PKHD1L1: variants seen among roughly 807,000 people sequenced by gnomAD.
PKHD1L1 encodes PKHD1 like 1, also known as fibrocystin-L.
In PKHD1L1, 434 loss-of-function variants were observed where a neutral mutation model predicts 462.9. The observed-to-expected ratio is 0.94, with a 90% CI of 0.87 to 1.02. PKHD1L1 has a LOEUF of 1.02. PKHD1L1 is among the 50% of genes least tolerant of loss of function. The probability of loss-of-function intolerance (pLI) is 0.00; values close to 1 mark genes in which losing one functional copy is unlikely to be tolerated. For synonymous variants in PKHD1L1, 1,781 were observed against 1,750.0 expected, an observed-to-expected ratio of 1.02 and a Z score of -0.44; for missense variants, 5,202 against 5,096.1, an observed-to-expected ratio of 1.02 and a Z score of -0.63.
At chr8:109,449,270 A>G in intron 39 of PKHD1L1, 68 bp from the exon 40 acceptor site, 1 of 1,411,162 alleles carries the variant, frequency 7.1e-7, no homozygotes, top group Middle Eastern at 1.8e-4. Flanking sequence ...ATAAAGGTAA[A>G]AAATATGTAC....
rs147942629 is a variant in PKHD1L1, at chr8:109,412,284, A to G, written c.2105A>G (p.Gln702Arg). The G allele has an allele frequency of 1.2e-6, 2 of 1,613,630 alleles. No individual in the cohort carries two copies. The highest frequency in any genetic ancestry group is 1.7e-6 in the Non-Finnish European group (2 of 1,179,756). The change falls in exon 20 of 78, where the codon CAG becomes CGG. Residue 702 changes from glutamine (Q) to arginine (R), a missense_variant. This residue lies in a region of PKHD1L1 where 4,497 missense variants were observed against 4,336.8 expected (regional missense o/e 1.04). Coordinates refer to ENST00000378402, the MANE Select transcript of PKHD1L1 (RefSeq NM_177531.6). ...DFNLEHINRGQKTAETDAYCG... is the reference protein window; with the variant it reads ...DFNLEHINRGRKTAETDAYCG... ...CGGTAGGAACATATTAACAGAGGGC[A>G]GAAGACAGCTGAAACCGATGCTTAC... is the stretch of plus-strand genomic sequence containing the variant.
At position 109,530,349 on chromosome 8, in the gene PKHD1L1, A is replaced by G. The variant is rs2131059394; in HGVS notation, c.*259A>G. The stretch of plus-strand genomic sequence containing the variant: ...TTTGTCATTTGGAAGTAGATATGAC[A>G]CCTCTAAGTTATTGTACCAACAAAT... On this transcript the variant is annotated 3_prime_UTR_variant, in exon 78 of 78. Transcript: ENST00000378402. 4.4e-6 allele frequency: 1 copy of G among 227,530 alleles called. No individual in the cohort carries two copies. Among genetic ancestry groups the G allele is most frequent in the East Asian group, 9.9e-5 (1 of 10,126 alleles). 14.1% of individuals were successfully genotyped at this position (227,530 alleles called of 1,614,324 possible). A position where few individuals can be genotyped will look rare whatever the true frequency, so the allele number is the denominator to read the frequency against.
chr8:109,413,013 C>T (rs971335579), intron 20 of PKHD1L1, among the ~76,000 whole-genome samples: 4 of 152,090 alleles, frequency 2.6e-5, no homozygotes, highest in Non-Finnish European at 4.4e-5. Flanking sequence ...TCATCTCTCT[C>T]TCTAAATGTT....
At chr8:109,377,120 G>A (rs1348286668) in intron 2 of PKHD1L1, among the ~76,000 whole-genome samples, 2 of 152,188 alleles carry the variant, frequency 1.3e-5, no homozygotes, top group African/African-American at 2.4e-5. Context: ...GATATCTTCT[G>A]GCAACCCCAA....
intron 52 of PKHD1L1, 31 bp downstream of exon 52, chr8:109,476,698 A>T (rs1818005819): frequency 6.4e-7 from 1 of 1,552,934 alleles, no homozygotes; most frequent in African/African-American, 1.4e-5. Flanking sequence ...ATGATAGTTT[A>T]TCTAATGCTT....
chr8:109,488,301 G>A (rs1818659843), intron 59 of PKHD1L1, among the ~76,000 whole-genome samples: 1 of 151,808 alleles, frequency 6.6e-6, no homozygotes, highest in Non-Finnish European at 1.5e-5. Context: ...ATGTGCTCCT[G>A]GATCAAAACA....
chr8:109,415,860 AAG>A (rs1563752239), intron 21 of PKHD1L1, among the ~76,000 whole-genome samples: 2,912 of 95,164 alleles, frequency 0.031, 58 homozygotes, highest in South Asian at 0.045. Flanking sequence ...AAAAAAAAAA[AAG>A]GGGTGTGTGT....
chr8:109,481,045 A>T (rs1818248128), intron 55 of PKHD1L1, among the ~76,000 whole-genome samples: 1 of 151,984 alleles, frequency 6.6e-6, no homozygotes, highest in Non-Finnish European at 1.5e-5. Flanking sequence ...CAAGCATTTA[A>T]TGATAGCTAT....
In PKHD1L1 at chr8:109,534,258, C is replaced by G. The variant is rs769711633; in HGVS notation, c.*4168C>G. Reference sequence around the variant, plus strand: ...CAGGCGGATCACGAGGTCAGGAGATCGAGACTATCCTGGCTAACACAGTGA... The same window carrying G: ...CAGGCGGATCACGAGGTCAGGAGATGGAGACTATCCTGGCTAACACAGTGA... On this transcript the variant is annotated 3_prime_UTR_variant, in exon 78 of 78. Transcript: ENST00000378402. 6.6e-6 allele frequency among the ~76,000 whole-genome samples: 1 copy of G among 152,178 alleles called. No homozygotes were observed. Among genetic ancestry groups the G allele is most frequent in the Non-Finnish European group, 1.5e-5 (1 of 68,026 alleles).
intron 67 of PKHD1L1, among the ~76,000 whole-genome samples, chr8:109,502,747 G>T (rs1819489013): frequency 6.6e-6 from 1 of 152,236 alleles, no homozygotes; most frequent in Non-Finnish European, 1.5e-5. Context: ...GCTCTCAGGA[G>T]AAAGGGAGTG....
At chr8:109,466,993 G>A (rs1349630684) in intron 50 of PKHD1L1, among the ~76,000 whole-genome samples, 1 of 152,072 alleles carries the variant, frequency 6.6e-6, no homozygotes, top group East Asian at 1.9e-4. Context: ...GAAACCTCCA[G>A]ACAATATTAT....
At chr8:109,497,724 C>CA (rs1554592516) in intron 65 of PKHD1L1, among the ~76,000 whole-genome samples, 1 of 152,106 alleles carries the variant, frequency 6.6e-6, no homozygotes, top group Non-Finnish European at 1.5e-5. Context: ...CCGCACCCAA[C>CA]AAAAAAGCTG....
chr8:109,513,135 T>A (rs59133831), intron 71 of PKHD1L1, among the ~76,000 whole-genome samples: 35,580 of 150,774 alleles, frequency 0.24, 4,863 homozygotes, highest in African/African-American at 0.34. Context: ...AATCATGTCA[T>A]CTGCAAACAG....
At chr8:109,390,032 T>G (rs1812639960) in intron 8 of PKHD1L1, among the ~76,000 whole-genome samples, 1 of 152,188 alleles carries the variant, frequency 6.6e-6, no homozygotes, top group Non-Finnish European at 1.5e-5. Context: ...TCTTGGCTAA[T>G]GTTTCCTTCC....
At position 109,433,130 on chromosome 8, in the gene PKHD1L1, T is replaced by C. The variant is rs776499325; in HGVS notation, c.3254T>C (p.Leu1085Pro). The stretch of plus-strand genomic sequence containing the variant: ...GGGTCCTATGAAGAAGGCACAATTC[T>C]AACCATAGTGGGTTCTGGATTTTCT... ...SQGSYEEGTI[L>P]TIVGSGFSPS... Residue 1085 changes from leucine to proline, a missense_variant, in exon 28 of 78, where the codon CTA (leucine) becomes CCA (proline). Around this residue, in one of 3 missense-constraint regions of PKHD1L1, gnomAD observed 4,497 missense variants for 4,336.8 expected, o/e 1.04. Coordinates refer to ENST00000378402, the MANE Select transcript of PKHD1L1 (RefSeq NM_177531.6). The C allele has an allele frequency of 1.1e-5, 18 of 1,613,230 alleles. No individual in the cohort carries two copies. Among genetic ancestry groups the C allele is most frequent in the Admixed American group, 1.0e-4 (6 of 59,970 alleles).
intron 32 of PKHD1L1, among the ~76,000 whole-genome samples, chr8:109,439,843 G>T (rs1815673865): frequency 6.6e-6 from 1 of 152,132 alleles, no homozygotes; most frequent in Non-Finnish European, 1.5e-5. Flanking sequence ...TGTCAGAGTA[G>T]AAGGAGAGAT....
chr8:109,441,392 T>G lies in PKHD1L1; in HGVS notation c.4204+13T>G. 1 of 1,413,196 alleles carries G rather than the reference T, an allele frequency of 7.1e-7. No individual in the cohort carries two copies. The highest frequency in any genetic ancestry group is 9.8e-7 in the Non-Finnish European group (1 of 1,021,354). 87.5% of individuals were successfully genotyped at this position (1,413,196 alleles called of 1,614,324 possible). A position where few individuals can be genotyped will look rare whatever the true frequency, so the allele number is the denominator to read the frequency against. ...GGGAAAGATTCAGGTATCAGCCATT[T>G]ATATACTATGAAATAATGGAAGCAC... is the stretch of plus-strand genomic sequence containing the variant. On this transcript the variant is annotated intron_variant, in intron 34 of 77. Transcript: ENST00000378402.
intron 44 of PKHD1L1, among the ~76,000 whole-genome samples, 176 bp from the exon 45 acceptor site, chr8:109,454,547 G>GT (rs1338916360): frequency 6.6e-6 from 1 of 152,112 alleles, no homozygotes; most frequent in African/African-American, 2.4e-5. Context: ...CTGGCATAGT[G>GT]TATTTATTTG....
At chr8:109,511,385 C>T (rs1024952186) in intron 71 of PKHD1L1, among the ~76,000 whole-genome samples, 2 of 138,134 alleles carry the variant, frequency 1.4e-5, no homozygotes, top group South Asian at 2.5e-4. Flanking sequence ...TGATGTTCCC[C>T]TTCCTGTGTC....
Sources: allele counts gnomAD v4.1 joint callset (sites outside exome capture counted in the v4.1 genomes callset), GRCh38; gene constraint gnomAD v4.1.1; regional missense constraint gnomAD v4.1.1; transcripts MANE v1.5; gene names NCBI Gene and HGNC (gene_info 2026-07-23, HGNC 2026-07-21).